The following EMX1 variants were observed in gnomAD, a reference collection of about 807,000 sequenced individuals.
The protein encoded by EMX1 is empty spiracles homeobox 1, also known as homeobox protein EMX1.
Under a neutral mutation model 20.1 loss-of-function variants are expected in EMX1, and 10 were observed. The observed-to-expected ratio is 0.50, with a 90% CI of 0.31 to 0.84. The LOEUF is 0.84. EMX1 is among the 40% of genes least tolerant of loss of function. The pLI, the probability that EMX1 is intolerant of heterozygous loss-of-function variation, is 0.05. For synonymous variants in EMX1, 250 were observed against 200.4 expected (o/e 1.25, Z -2.09); for missense variants, 424 against 431.9 (o/e 0.98, Z 0.16).
In EMX1 at chr2:72,917,595, A is replaced by C. The variant is rs1670989619; in HGVS notation, c.-258A>C. On this transcript the variant is annotated 5_prime_UTR_variant, in exon 1 of 3. Transcript: ENST00000258106. Reference sequence around the variant, plus strand: ...GACACCGGGGGCTGGGGTCGGTCCCAGCGGGACTCCGAAAGGAGGGAGACG... The same window carrying C: ...GACACCGGGGGCTGGGGTCGGTCCCCGCGGGACTCCGAAAGGAGGGAGACG... 4.6e-6 allele frequency: 1 copy of C among 215,346 alleles called. No homozygotes were observed. The highest frequency in any genetic ancestry group is 1.8e-4 in the South Asian group (1 of 5,462). 13.3% of individuals were successfully genotyped at this position (215,346 alleles called of 1,614,324 possible). A position where few individuals can be genotyped will look rare whatever the true frequency, so the allele number is the denominator to read the frequency against.
intron 1 of EMX1, among the ~76,000 whole-genome samples, chr2:72,920,993 T>C (rs2105263126): frequency 6.6e-6 from 1 of 152,236 alleles, no homozygotes. Flanking sequence ...TGAGGTTATC[T>C]CCGCCGCCTG....
chr2:72,934,233 C>G lies in EMX1; in HGVS notation c.*279C>G. The stretch of plus-strand genomic sequence containing the variant: ...CCCAGCTGCTCTCCGTGTCTCCAAT[C>G]TCCCTTTTGTTTTGATGCATTTCTG... On this transcript the variant is annotated 3_prime_UTR_variant, in exon 3 of 3. Transcript: ENST00000258106. The G allele has an allele frequency of 2.2e-6, 1 of 463,632 alleles. No homozygotes were observed. The highest frequency in any genetic ancestry group is 3.8e-6 in the Non-Finnish European group (1 of 260,454). The allele number at this position is 463,632 out of a possible 1,614,324, so 28.7% of individuals were successfully genotyped here.
At chr2:72,916,579 G>T, upstream of EMX1, 1 of 623,490 alleles carries the variant, frequency 1.6e-6, no homozygotes, top group South Asian at 1.9e-5. Flanking sequence ...GGAAAAACTG[G>T]CCGGAGCAGA....
chr2:72,921,124 G>A (rs1306994846), intron 1 of EMX1, among the ~76,000 whole-genome samples: 1 of 152,218 alleles, frequency 6.6e-6, no homozygotes, highest in East Asian at 1.9e-4. Flanking sequence ...CGGACCCCGG[G>A]TGCTTCGGAT....
intron 1 of EMX1, 47 bp from the exon 2 acceptor site, chr2:72,924,262 C>G: frequency 1.3e-6 from 2 of 1,543,386 alleles, no homozygotes; most frequent in Middle Eastern, 1.7e-4. Context: ...GGCGCCCCTT[C>G]TCTCTGTCTG....
intron 1 of EMX1, among the ~76,000 whole-genome samples, chr2:72,918,842 G>A (rs1671047410): frequency 6.6e-6 from 1 of 152,214 alleles, no homozygotes; most frequent in Non-Finnish European, 1.5e-5. Context: ...GCGTGCCCCA[G>A]CTCTGGGGGA....
intron 1 of EMX1, 68 bp downstream of exon 1, chr2:72,918,440 C>T (rs1671036314): frequency 1.5e-6 from 2 of 1,339,636 alleles, no homozygotes; most frequent in Non-Finnish European, 9.5e-7. Context: ...GCGGGGGAGG[C>T]TCGGGGGCGC....
intron 2 of EMX1, chr2:72,925,813 A>G (rs564878506): frequency 2.3e-5 from 23 of 985,414 alleles, no homozygotes; most frequent in African/African-American, 7.0e-5. Context: ...TATTGTCGTC[A>G]TATCTGTCTG....
intron 1 of EMX1, 180 bp from the exon 2 acceptor site, chr2:72,924,129 C>G: frequency 1.3e-6 from 1 of 743,510 alleles, no homozygotes; most frequent in Non-Finnish European, 2.3e-6. Context: ...GGGGAGTGGA[C>G]TTAGGGAAGG....
intron 2 of EMX1, 78 bp from the exon 3 acceptor site, chr2:72,933,709 G>C: frequency 6.4e-6 from 10 of 1,559,690 alleles, no homozygotes; most frequent in Non-Finnish European, 7.8e-6. Flanking sequence ...TCTCAGCTCA[G>C]CCTGAGTGTT....
intron 1 of EMX1, among the ~76,000 whole-genome samples, chr2:72,919,327 T>A (rs1439063050): frequency 6.6e-6 from 1 of 152,196 alleles, no homozygotes; most frequent in African/African-American, 2.4e-5. Context: ...TTTTTTTAAA[T>A]TTTATTTTAA....
chr2:72,918,032 C>G lies in EMX1; in HGVS notation c.180C>G (p.Gly60=). The G allele has an allele frequency of 2.1e-6, 3 of 1,419,848 alleles. No individual in the cohort carries two copies. The highest frequency in any genetic ancestry group is 2.7e-6 in the Non-Finnish European group (3 of 1,096,440). The allele number at this position is 1,419,848 out of a possible 1,614,324, so 88.0% of individuals were successfully genotyped here. A position where few individuals can be genotyped will look rare whatever the true frequency, so the allele number is the denominator to read the frequency against. Residue 60 remains glycine, a synonymous_variant, in exon 1 of 3, where the codon GGC becomes GGG. Coordinates refer to ENST00000258106, the MANE Select transcript of EMX1 (RefSeq NM_004097.3). The stretch of plus-strand genomic sequence containing the variant: ...ACGGCGGCACCGGCGGGGGCACTGG[C>G]GGCGGGGGCGCGGGCTCCCATCTCC... ...AKDGGTGGGT[G]GGGAGSHLLA...
In EMX1 at chr2:72,918,416, C is replaced by T. The variant is rs982240095; in HGVS notation, c.520+44C>T. 4.4e-6 allele frequency: 6 copies of T among 1,352,774 alleles called. No individual in the cohort carries two copies. The African/African-American group carries it at 6.2e-5, about 14-fold the overall frequency. 83.8% of individuals were successfully genotyped at this position (1,352,774 alleles called of 1,614,324 possible). On this transcript the variant is annotated intron_variant, in intron 1 of 2. Transcript: ENST00000258106. ...CCCGCCGAGGCGGCCGGCCGGCGCC[C>T]GTGCTGCGGCGATGCGGGGGAGGCT...
intron 1 of EMX1, 43 bp downstream of exon 1, chr2:72,918,415 C>T: frequency 7.3e-7 from 1 of 1,360,918 alleles, no homozygotes; most frequent in South Asian, 1.7e-5. Flanking sequence ...CGGCCGGCGC[C>T]CGTGCTGCGG....
At chr2:72,924,224 G>A in intron 1 of EMX1, 85 bp from the exon 2 acceptor site, 2 of 1,498,408 alleles carry the variant, frequency 1.3e-6, no homozygotes, top group Non-Finnish European at 1.8e-6. Context: ...CAGGGCGCGA[G>A]GCCAGGCTCT....
At position 72,925,568 on chromosome 2, in the gene EMX1, C is replaced by G. The variant is rs780978543; in HGVS notation, c.705+1075C>G. 6 of 1,286,126 alleles carry G rather than the reference C, an allele frequency of 4.7e-6. No individual in the cohort carries two copies. The South Asian group carries it at 6.2e-5, about 13-fold the overall frequency. The allele number at this position is 1,286,126 out of a possible 1,614,324, so 79.7% of individuals were successfully genotyped here. On this transcript the variant is annotated intron_variant, in intron 2 of 2. Coordinates refer to ENST00000258106, the MANE Select transcript of EMX1 (RefSeq NM_004097.3). ...CGGCTCCGCGGTCTCCCAGCTACCTCCCGGCTGACTTTTCACCTTCCGCTC... is the reference window on the plus strand; with the variant it reads ...CGGCTCCGCGGTCTCCCAGCTACCTGCCGGCTGACTTTTCACCTTCCGCTC...
chr2:72,930,295 G>C lies in EMX1; in HGVS notation c.706-3492G>C, dbSNP rs977752459. ...AATAAATAAATTAGTGCACAGTGGGGGTCACTGTTACTGAGACTGGGAAGA... is the reference window on the plus strand; with the variant it reads ...AATAAATAAATTAGTGCACAGTGGGCGTCACTGTTACTGAGACTGGGAAGA... On this transcript the variant is annotated intron_variant, in intron 2 of 2. Transcript: ENST00000258106. The surrounding 1 kb of genome is among the most constrained non-coding windows in gnomAD (Gnocchi z 4.4). Among the ~76,000 whole-genome samples, 1 of 152,172 alleles carries C rather than the reference G, an allele frequency of 6.6e-6. No individual in the cohort carries two copies. The highest frequency in any genetic ancestry group is 2.4e-5 in the African/African-American group (1 of 41,432).
intron 1 of EMX1, chr2:72,923,690 TGA>T (rs2105265563): frequency 6.3e-6 from 1 of 159,224 alleles, no homozygotes; most frequent in East Asian, 1.8e-4. Flanking sequence ...GTTAGTAGCC[TGA>T]GCATTCAGCC....
At chr2:72,927,423 C>T (rs1341660232) in intron 2 of EMX1, among the ~76,000 whole-genome samples, 2 of 152,210 alleles carry the variant, frequency 1.3e-5, no homozygotes, top group Non-Finnish European at 2.9e-5. Context: ...TCTGTGACTC[C>T]TCTACATTCT....
Sources: gnomAD v4.1 joint callset for allele counts (sites outside exome capture counted in the v4.1 genomes callset) on GRCh38, gnomAD v4.1.1 for gene constraint, Gnocchi (gnomAD v3.1) non-coding constraint, MANE v1.5 for transcripts, NCBI Gene and HGNC (gene_info 2026-07-23, HGNC 2026-07-21) for gene names.